Variants in CHM observed in about 807,000 individuals in gnomAD.
CHM encodes the protein CHM Rab escort protein.
In CHM, 10 loss-of-function variants were observed where a neutral mutation model predicts 49.0. That is an observed-to-expected ratio of 0.20 (90% CI 0.13 to 0.35). The LOEUF (loss-of-function observed/expected upper bound fraction) is 0.35. Ranked by LOEUF, CHM falls within the 10% of genes least tolerant of loss-of-function variation. The pLI, the probability that CHM is intolerant of heterozygous loss-of-function variation, is 1.00. For synonymous variants in CHM, 184 were observed against 167.5 expected (o/e 1.10, Z -0.76); for missense variants, 455 against 478.4 (o/e 0.95, Z 0.46).
At chrX:85,869,869 C>T (rs1366257798) in intron 14 of CHM, among the ~76,000 whole-genome samples, 8 of 112,346 alleles carry the variant, frequency 7.1e-5, no homozygotes, top group African/African-American at 1.9e-4. Context: ...TATATTGTGA[C>T]TTGGTGTGCT....
At position 85,907,386 on chromosome X, in the gene CHM, C is replaced by T. The variant is rs775029929; in HGVS notation, c.1244+3875G>A. Among the ~76,000 whole-genome samples the T allele has an allele frequency of 4.5e-5, 5 of 111,657 alleles. No homozygotes were observed. In the South Asian group the frequency reaches 1.9e-3, roughly 42 times the overall value. On this transcript the variant is annotated intron_variant, in intron 9 of 14. Coordinates refer to ENST00000357749, the MANE Select transcript of CHM (RefSeq NM_000390.4). ...ATCAAATACTATACTACTAAATGGC[C>T]AGATCTAATTTACCGGAGTTTTACC...
chrX:85,869,780 C>T (rs1000558063), intron 14 of CHM, among the ~76,000 whole-genome samples: 2 of 111,905 alleles, frequency 1.8e-5, no homozygotes, highest in Non-Finnish European at 3.8e-5. Flanking sequence ...AACTTTTCAT[C>T]CTCTTCACCT....
chrX:85,875,980 A>G (rs1603235336), intron 13 of CHM, among the ~76,000 whole-genome samples: 1 of 112,001 alleles, frequency 8.9e-6, no homozygotes, highest in Admixed American at 9.5e-5. Context: ...CATGTATCTG[A>G]TAAGGGATTA....
chrX:85,880,554 A>G (rs1271918429), intron 12 of CHM, among the ~76,000 whole-genome samples: 2 of 111,768 alleles, frequency 1.8e-5, no homozygotes, highest in Non-Finnish European at 3.8e-5. Flanking sequence ...ACCTGGACAT[A>G]AATAAGTATA....
chrX:85,950,158 C>T (rs1929667821), intron 8 of CHM, among the ~76,000 whole-genome samples: 1 of 103,321 alleles, frequency 9.7e-6, no homozygotes, highest in Non-Finnish European at 2.0e-5. Flanking sequence ...ATTTGGGTCC[C>T]CAGATTAAAA....
intron 14 of CHM, among the ~76,000 whole-genome samples, chrX:85,865,805 T>C (rs942507903): frequency 8.9e-6 from 1 of 112,008 alleles, no homozygotes; most frequent in East Asian, 2.8e-4. Flanking sequence ...TAGTAGCATT[T>C]TCTCCCTGCC....
At chrX:86,012,514 G>A (rs757276459) in intron 2 of CHM, among the ~76,000 whole-genome samples, 1 of 111,322 alleles carries the variant, frequency 9.0e-6, no homozygotes, top group Non-Finnish European at 1.9e-5. Context: ...ATACATCTCT[G>A]GAATGCCATG....
intron 12 of CHM, among the ~76,000 whole-genome samples, chrX:85,882,876 G>A (rs183104000): frequency 5.4e-5 from 6 of 111,125 alleles, no homozygotes; most frequent in Admixed American, 1.9e-4. Context: ...GGATGATTAC[G>A]TGGGTCTGGT....
At chrX:85,944,995 T>C (rs920189167) in intron 8 of CHM, among the ~76,000 whole-genome samples, 7 of 110,191 alleles carry the variant, frequency 6.4e-5, no homozygotes, top group African/African-American at 2.3e-4. Flanking sequence ...ATGGATGGAG[T>C]TGGAGGACAT....
intron 8 of CHM, among the ~76,000 whole-genome samples, chrX:85,948,755 GTGATACC>G (rs1447643148): frequency 8.9e-6 from 1 of 111,865 alleles, no homozygotes; most frequent in Non-Finnish European, 1.9e-5. Context: ...CACAGAACAG[GTGATACC>G]TTATTCTGAT....
At chrX:85,866,218 AACAT>A (rs1923681798) in intron 14 of CHM, among the ~76,000 whole-genome samples, 1 of 112,218 alleles carries the variant, frequency 8.9e-6, no homozygotes, top group South Asian at 3.7e-4. Flanking sequence ...GCAGCCCTGG[AACAT>A]GGTACCCTAC....
At chrX:86,001,658 T>A (rs1186777587) in intron 2 of CHM, among the ~76,000 whole-genome samples, 3 of 110,186 alleles carry the variant, frequency 2.7e-5, no homozygotes, top group Non-Finnish European at 3.8e-5. Context: ...AACTAACTTA[T>A]CATCAAGGGG....
intron 8 of CHM, among the ~76,000 whole-genome samples, chrX:85,913,371 A>AGAAAGAAAGAAAGAAAGAAAGAAAGAAG (rs1927231198): frequency 9.8e-6 from 1 of 102,325 alleles, no homozygotes; most frequent in Non-Finnish European, 2.0e-5. Flanking sequence ...AAAGAAAGAA[A>AGAAAGAAAGAAAGAAAGAAAGAAAGAAG]GAAAGAAAGA....
In CHM at chrX:85,931,165, T is replaced by A. The variant is rs1354292645; in HGVS notation, c.1167-19827A>T. Among the ~76,000 whole-genome samples the A allele has an allele frequency of 2.7e-5, 3 of 111,382 alleles. No homozygotes were observed. The East Asian group carries it at 8.4e-4, about 31-fold the overall frequency. On this transcript the variant is annotated intron_variant, in intron 8 of 14. Coordinates refer to ENST00000357749, the MANE Select transcript of CHM (RefSeq NM_000390.4). The stretch of plus-strand genomic sequence containing the variant: ...ATAATTATTAATTTAAATTTTATGT[T>A]CTTAATACCTTCTTTCCTATCCAAA...
intron 2 of CHM, among the ~76,000 whole-genome samples, chrX:86,025,493 T>A (rs756929522): frequency 9.1e-6 from 1 of 109,414 alleles, no homozygotes; most frequent in African/African-American, 3.3e-5. Context: ...CTGGGTAGCA[T>A]AGCGAGATTC....
At chrX:85,948,973 A>G (rs1929568731) in intron 8 of CHM, among the ~76,000 whole-genome samples, 1 of 112,018 alleles carries the variant, frequency 8.9e-6, no homozygotes, top group South Asian at 3.7e-4. Context: ...ATAAAATGTA[A>G]GAACTCAAGA....
At chrX:85,885,220 A>C (rs1925012389) in intron 12 of CHM, among the ~76,000 whole-genome samples, 1 of 110,404 alleles carries the variant, frequency 9.1e-6, no homozygotes, top group South Asian at 3.8e-4. Context: ...ACTAGTTAAG[A>C]GTAGAGTACC....
intron 2 of CHM, among the ~76,000 whole-genome samples, chrX:86,013,699 C>G (rs1321214306): frequency 1.0e-5 from 1 of 95,662 alleles, no homozygotes; most frequent in Non-Finnish European, 2.1e-5. Context: ...TGTGCCACTG[C>G]ACTCCAGCCT....
chrX:85,872,125 C>T lies in CHM; in HGVS notation c.1770+927G>A, dbSNP rs144447374. The stretch of plus-strand genomic sequence containing the variant: ...CAGATGTCTGTATCCTCATGATAGA[C>T]ATAGCTTTGCTACAATGACTCAAAA... On this transcript the variant is annotated intron_variant, in intron 14 of 14. Transcript: ENST00000357749. 5.9e-3 allele frequency among the ~76,000 whole-genome samples: 663 copies of T among 111,844 alleles called. 10 individuals are homozygous for T. The East Asian group carries it at 0.082, about 14-fold the overall frequency.
Sources: allele counts gnomAD v4.1 joint callset (sites outside exome capture counted in the v4.1 genomes callset), GRCh38; gene constraint gnomAD v4.1.1; transcripts MANE v1.5; gene names NCBI Gene and HGNC (gene_info 2026-07-23, HGNC 2026-07-21).